The following USH2A variants were observed in gnomAD, a reference collection of about 807,000 sequenced individuals.
USH2A encodes the protein usherin.
USH2A carries 443 observed loss-of-function variants against 538.9 expected under a neutral mutation model. The observed-to-expected ratio is 0.82, with a 90% confidence interval of 0.76 to 0.89. The LOEUF (loss-of-function observed/expected upper bound fraction) is 0.89, where lower values mean the gene tolerates loss of function less well. Ranked by LOEUF, USH2A falls within the 40% of genes least tolerant of loss-of-function variation. USH2A has a pLI of 0.00. For synonymous variants in USH2A, 2,413 were observed against 2,273.5 expected, an observed-to-expected ratio of 1.06 and a Z score of -1.75; for missense variants, 6,633 against 6,324.8, an observed-to-expected ratio of 1.05 and a Z score of -1.65.
rs570564406 is a variant in USH2A at position 216,422,357 on chromosome 1, C to T, written c.-21G>A. The T allele has an allele frequency of 5.0e-6, 8 of 1,613,476 alleles. No homozygotes were observed. In the South Asian group the frequency reaches 8.8e-5, roughly 18 times the overall value. On this transcript the variant is annotated 5_prime_UTR_variant, in exon 2 of 72. Coordinates refer to ENST00000307340, the MANE Select transcript of USH2A (RefSeq NM_206933.4). ...TTCATGTTTACAAAAAAGCATTCTC[C>T]TCCTGATAAAGCATTTCTAAATAAA...
intron 12 of USH2A, among the ~76,000 whole-genome samples, chr1:216,247,697 G>T (rs1388499449): frequency 6.6e-6 from 1 of 152,066 alleles, no homozygotes; most frequent in Admixed American, 6.6e-5. Flanking sequence ...GAGCTCTATT[G>T]TACAGCATGG....
At chr1:216,412,994 A>C (rs996062495) in intron 3 of USH2A, among the ~76,000 whole-genome samples, 1 of 152,102 alleles carries the variant, frequency 6.6e-6, no homozygotes, top group Non-Finnish European at 1.5e-5. Context: ...AATATAGTGC[A>C]CATAAATCAA....
At chr1:215,935,702 T>C (rs1666475075) in intron 37 of USH2A, among the ~76,000 whole-genome samples, 1 of 152,014 alleles carries the variant, frequency 6.6e-6, no homozygotes, top group Admixed American at 6.6e-5. Flanking sequence ...AGATGAAAAT[T>C]GTAACATTTT....
At chr1:215,932,710 T>C (rs972943689) in intron 38 of USH2A, among the ~76,000 whole-genome samples, 1 of 151,994 alleles carries the variant, frequency 6.6e-6, no homozygotes, top group Non-Finnish European at 1.5e-5. Flanking sequence ...TCTGAATACA[T>C]AAAGTGGAGG....
intron 44 of USH2A, among the ~76,000 whole-genome samples, chr1:215,863,938 C>A (rs534998532): frequency 1.9e-4 from 29 of 152,280 alleles, no homozygotes; most frequent in Admixed American, 1.4e-3. Context: ...TCTTGACAGA[C>A]AGTAAAGTAG....
intron 35 of USH2A, among the ~76,000 whole-genome samples, chr1:215,988,592 A>G (rs1286046680): frequency 1.3e-5 from 2 of 152,216 alleles, no homozygotes; most frequent in Non-Finnish European, 2.9e-5. Flanking sequence ...ACTACTTTTC[A>G]TAGCAGATGC....
At chr1:216,087,083 T>C (rs952469293) in intron 23 of USH2A, among the ~76,000 whole-genome samples, 2 of 152,148 alleles carry the variant, frequency 1.3e-5, no homozygotes, top group Non-Finnish European at 1.5e-5. Flanking sequence ...GAGGGATGAA[T>C]AGTGGGCTGG....
intron 21 of USH2A, among the ~76,000 whole-genome samples, chr1:216,168,886 G>C (rs775368435): frequency 4.6e-5 from 7 of 151,880 alleles, no homozygotes; most frequent in African/African-American, 1.5e-4. Flanking sequence ...TTTCATGTCC[G>C]ACCCAACCAA....
chr1:215,761,892 C>T (rs1449505132), intron 56 of USH2A, among the ~76,000 whole-genome samples: 4 of 152,102 alleles, frequency 2.6e-5, no homozygotes, highest in African/African-American at 4.8e-5. Context: ...ATATTAGGTT[C>T]CCTGTAATCA....
chr1:216,091,050 C>T (rs950628562), intron 22 of USH2A, among the ~76,000 whole-genome samples: 3 of 152,132 alleles, frequency 2.0e-5, no homozygotes, highest in Non-Finnish European at 4.4e-5. Context: ...AAGTACATTA[C>T]CTACAGCCTC....
At chr1:215,686,941 G>A (rs1658441185) in intron 61 of USH2A, among the ~76,000 whole-genome samples, 1 of 152,014 alleles carries the variant, frequency 6.6e-6, no homozygotes, top group Admixed American at 6.6e-5. Context: ...ATAACTGAAT[G>A]GTGTTAAAAC....
chr1:216,054,102 C>T (rs1245919554), intron 30 of USH2A, among the ~76,000 whole-genome samples: 2 of 152,172 alleles, frequency 1.3e-5, no homozygotes, highest in Non-Finnish European at 2.9e-5. Context: ...TTTCCTTATC[C>T]TCTATCCCAG....
intron 4 of USH2A, among the ~76,000 whole-genome samples, chr1:216,334,008 C>T (rs12086830): frequency 0.39 from 59,692 of 151,748 alleles, 13,092 homozygotes; most frequent in African/African-American, 0.6. Context: ...CAATGTAATC[C>T]AGATGAAGAA....
chr1:215,802,872 C>T lies in USH2A; in HGVS notation c.9740-3747G>A, dbSNP rs759665511. Among the ~76,000 whole-genome samples, 7 of 152,006 alleles carry T rather than the reference C, an allele frequency of 4.6e-5. No individual in the cohort carries two copies. In the East Asian group the frequency reaches 7.7e-4, roughly 17 times the overall value. Reference sequence around the variant, plus strand: ...ACTAGGCAGAAATAACCCCAATGTCCGCTGATGAATAAATGAATACAAAAG... The same window carrying T: ...ACTAGGCAGAAATAACCCCAATGTCTGCTGATGAATAAATGAATACAAAAG... On this transcript the variant is annotated intron_variant, in intron 49 of 71. Coordinates refer to ENST00000307340, the MANE Select transcript of USH2A (RefSeq NM_206933.4).
At chr1:215,994,716 T>C (rs1461093990) in intron 34 of USH2A, among the ~76,000 whole-genome samples, 1 of 152,136 alleles carries the variant, frequency 6.6e-6, no homozygotes, top group African/African-American at 2.4e-5. Context: ...CTCTAGAGAA[T>C]GGAATCTTTG....
chr1:215,680,137 G>T lies in USH2A; in HGVS notation c.12294+12C>A. 1 of 1,611,314 alleles carries T rather than the reference G, an allele frequency of 6.2e-7. No individual in the cohort carries two copies. Among genetic ancestry groups the T allele is most frequent in the Non-Finnish European group, 8.5e-7 (1 of 1,177,504 alleles). ...ACACCAAACATAATTTCTTATGCAG[G>T]GTAGACATTACCTTAATCACACCAT... On this transcript the variant is annotated intron_variant, in intron 62 of 71. Coordinates refer to ENST00000307340, the MANE Select transcript of USH2A (RefSeq NM_206933.4).
intron 47 of USH2A, among the ~76,000 whole-genome samples, chr1:215,827,592 A>G (rs1253608969): frequency 6.6e-6 from 1 of 152,186 alleles, no homozygotes; most frequent in Admixed American, 6.6e-5. Context: ...TGGCCATCAA[A>G]TGAGTAATAT....
chr1:216,274,548 G>A (rs1305769873), intron 11 of USH2A, among the ~76,000 whole-genome samples: 1 of 152,054 alleles, frequency 6.6e-6, no homozygotes, highest in African/African-American at 2.4e-5. Flanking sequence ...CCACATTAAT[G>A]TAACAGGCTA....
At chr1:216,156,340 C>G (rs1242718704) in intron 21 of USH2A, among the ~76,000 whole-genome samples, 1 of 139,194 alleles carries the variant, frequency 7.2e-6, no homozygotes, top group Non-Finnish European at 1.5e-5. Flanking sequence ...TTGCCTCATC[C>G]TCGGAGAGGT....
Sources: gnomAD v4.1 joint callset for allele counts (sites outside exome capture counted in the v4.1 genomes callset) on GRCh38, gnomAD v4.1.1 for gene constraint, MANE v1.5 for transcripts, NCBI Gene and HGNC (gene_info 2026-07-23, HGNC 2026-07-21) for gene names.